The following IVD variants were observed in gnomAD, a reference collection of about 807,000 sequenced individuals.
IVD encodes the protein isovaleryl-CoA dehydrogenase, also known as isovaleryl-CoA dehydrogenase, mitochondrial.
Under a neutral mutation model 51.3 loss-of-function variants are expected in IVD, and 31 were observed. That is an observed-to-expected ratio of 0.60 (90% CI 0.45 to 0.81). The LOEUF (loss-of-function observed/expected upper bound fraction) is 0.81. Ranked by LOEUF, IVD falls within the 40% of genes least tolerant of loss-of-function variation. The pLI is 0.00. For missense variants in IVD, 475 were observed against 552.0 expected (o/e 0.86, Z 1.40); for synonymous variants, 205 against 219.4 (o/e 0.93, Z 0.58).
Position 40,418,828 on chromosome 15 carries a change from G to GA in IVD, c.*572dup, listed in dbSNP as rs1308206796. On this transcript the variant is annotated 3_prime_UTR_variant, in exon 12 of 12. Transcript: ENST00000487418. Reference sequence around the variant, plus strand: ...TCAACTTTCAGTCTCTTTTCTGGGGGAAAAAAATAATAAACCTAGCCTAGC... The same window carrying GA: ...TCAACTTTCAGTCTCTTTTCTGGGGGAAAAAAAATAATAAACCTAGCCTAGC... 13 of 1,001,046 alleles carry GA rather than the reference G, an allele frequency of 1.3e-5. No homozygotes were observed. Among genetic ancestry groups the GA allele is most frequent in the African/African-American group, 3.4e-5 (2 of 58,634 alleles). The allele number at this position is 1,001,046 out of a possible 1,614,324, so 62.0% of individuals were successfully genotyped here.
chr15:40,425,966 A>T (rs367600103), downstream of IVD, among the ~76,000 whole-genome samples: 15,859 of 140,520 alleles, frequency 0.11, 972 homozygotes, highest in Non-Finnish European at 0.13. Context: ...CAGTCCGGCT[A>T]TTTTTTTTTT....
Position 40,411,680 on chromosome 15 carries a change from A to T in IVD, c.676A>T (p.Ile226Phe), listed in dbSNP as rs1239909481. 1 of 1,614,192 alleles carries T rather than the reference A, an allele frequency of 6.2e-7. No homozygotes were observed. Residue 226 changes from isoleucine (I) to phenylalanine (F), a missense_variant, in exon 6 of 12, where the codon ATT (isoleucine) becomes TTT (phenylalanine). Coordinates refer to ENST00000487418, the MANE Select transcript of IVD (RefSeq NM_002225.5). Reference sequence around the variant, plus strand: ...AGCTTCTCGGGGCATCACAGCCTTCATTGTGGAGAAGGTGAGTATAGGTGG... The same window carrying T: ...AGCTTCTCGGGGCATCACAGCCTTCTTTGTGGAGAAGGTGAGTATAGGTGG... ...VPASRGITAF[I>F]VEKGMPGFST...
At position 40,411,356 on chromosome 15, in the gene IVD, G is replaced by A. The variant is rs369030793; in HGVS notation, c.550+3G>A. On this transcript the variant is annotated splice_donor_region_variant and intron_variant, in intron 5 of 11. Coordinates refer to ENST00000487418, the MANE Select transcript of IVD (RefSeq NM_002225.5). ...GAAGCTCAAAGCGGAAAAGAAAGGT[G>A]AGGCCACTCTCAACTTGGGAGCCAA... 4 of 1,614,124 alleles carry A rather than the reference G, an allele frequency of 2.5e-6. No individual in the cohort carries two copies. Among genetic ancestry groups the A allele is most frequent in the Non-Finnish European group, 3.4e-6 (4 of 1,179,992 alleles).
chr15:40,409,170 G>A (rs1364253863), intron 3 of IVD, among the ~76,000 whole-genome samples: 1 of 152,204 alleles, frequency 6.6e-6, no homozygotes, highest in African/African-American at 2.4e-5. Flanking sequence ...GGGGGTTTAT[G>A]TACCCCACTC....
At chr15:40,428,841 A>C (rs1327939395), downstream of IVD, among the ~76,000 whole-genome samples, 2 of 152,166 alleles carry the variant, frequency 1.3e-5, no homozygotes, top group Admixed American at 1.3e-4. Flanking sequence ...GGCCTCCCCA[A>C]AGAAGGATCG....
chr15:40,427,761 G>A (rs1014233466), downstream of IVD, among the ~76,000 whole-genome samples: 3 of 152,106 alleles, frequency 2.0e-5, no homozygotes, highest in African/African-American at 7.2e-5. Context: ...TGAGAAAAGG[G>A]TAGTGAAGGA....
intron 6 of IVD, 100 bp downstream of exon 6, chr15:40,411,791 C>T (rs114588179): frequency 1.4e-6 from 2 of 1,401,826 alleles, no homozygotes; most frequent in Non-Finnish European, 1.0e-6. Context: ...GTGTTGTGTG[C>T]TCTGCAAGGC....
rs142814887 is a variant in IVD, at chr15:40,406,559, C to T, written c.144+588C>T. Among the ~76,000 whole-genome samples the T allele has an allele frequency of 1.8e-3, 274 of 152,154 alleles. 2 individuals carry two copies. Among genetic ancestry groups the T allele is most frequent in the African/African-American group, 6.2e-3 (259 of 41,492 alleles). On this transcript the variant is annotated intron_variant, in intron 1 of 11. Coordinates refer to ENST00000487418, the MANE Select transcript of IVD (RefSeq NM_002225.5). The stretch of plus-strand genomic sequence containing the variant: ...CTGTAATCCTAGCACTTTGGGAGGC[C>T]GAGGTGGGAGGATTGTTTGAGCTCA...
rs1232765641 is a variant in IVD at position 40,414,985 on chromosome 15, A to G, written c.878+3A>G. On this transcript the variant is annotated splice_donor_region_variant and intron_variant, in intron 8 of 11. Transcript: ENST00000487418. Reference sequence around the variant, plus strand: ...GTGCTGGCCGGGGGGCCTCTTGGGTAAGTGTGAGAGGCTTGAGGGAAGCTG... The same window carrying G: ...GTGCTGGCCGGGGGGCCTCTTGGGTGAGTGTGAGAGGCTTGAGGGAAGCTG... The G allele has an allele frequency of 1.2e-6, 2 of 1,613,448 alleles. No homozygotes were observed. The highest frequency in any genetic ancestry group is 1.7e-6 in the Non-Finnish European group (2 of 1,179,812).
chr15:40,408,536 G>A (rs1311721749), intron 3 of IVD, among the ~76,000 whole-genome samples: 1 of 152,142 alleles, frequency 6.6e-6, no homozygotes, highest in Non-Finnish European at 1.5e-5. Context: ...TTCCAGGTGA[G>A]GTGGCCAGAT....
chr15:40,415,785 T>G (rs1025236211), intron 9 of IVD, among the ~76,000 whole-genome samples: 1 of 152,238 alleles, frequency 6.6e-6, no homozygotes, highest in African/African-American at 2.4e-5. Flanking sequence ...TTAGACCTTC[T>G]GGTCCGAAGA....
intron 11 of IVD, 69 bp from the exon 12 acceptor site, chr15:40,418,061 T>C: frequency 1.9e-6 from 3 of 1,604,972 alleles, no homozygotes; most frequent in African/African-American, 2.7e-5. Context: ...TCTATATACT[T>C]GGCATTCTGT....
Position 40,416,118 on chromosome 15 carries a change from T to C in IVD, c.1001T>C (p.Met334Thr), listed in dbSNP as rs368041528. 6.2e-5 allele frequency: 100 copies of C among 1,614,256 alleles called. No homozygotes were observed. The highest frequency in any genetic ancestry group is 1.6e-4 in the East Asian group (7 of 44,892). ...ATGGCTGACATGTACACCCGCCTCA[T>C]GGCGTGTCGGCAGTATGTCTACAAT... The part of the protein sequence containing the change: ...GKMADMYTRL[M>T]ACRQYVYNVA... Residue 334 changes from methionine to threonine, a missense_variant, in exon 10 of 12, where the codon ATG (methionine) becomes ACG (threonine). Coordinates refer to ENST00000487418, the MANE Select transcript of IVD (RefSeq NM_002225.5).
At chr15:40,415,212 C>A in intron 8 of IVD, 189 bp from the exon 9 acceptor site, 1 of 733,120 alleles carries the variant, frequency 1.4e-6, no homozygotes. Context: ...GTGGCTTACT[C>A]GGCTGTGAAA....
chr15:40,418,458 C>G lies in IVD; in HGVS notation c.*195C>G. On this transcript the variant is annotated 3_prime_UTR_variant, in exon 12 of 12. Transcript: ENST00000487418. ...GGGCCTCGCAGCCGGGCCTGTGCCACGGCTAGTGTTGTGTGATTTAAAATG... is the reference window on the plus strand; with the variant it reads ...GGGCCTCGCAGCCGGGCCTGTGCCAGGGCTAGTGTTGTGTGATTTAAAATG... 1.4e-6 allele frequency: 2 copies of G among 1,455,796 alleles called. No homozygotes were observed. The highest frequency in any genetic ancestry group is 1.8e-6 in the Non-Finnish European group (2 of 1,105,428). The allele number at this position is 1,455,796 out of a possible 1,614,324, so 90.2% of individuals were successfully genotyped here.
chr15:40,413,369 T>C (rs952974781), intron 7 of IVD, among the ~76,000 whole-genome samples: 3 of 152,244 alleles, frequency 2.0e-5, no homozygotes, highest in African/African-American at 7.2e-5. Context: ...TGTCCTTCAG[T>C]CTTCCTGTAC....
chr15:40,406,053 C>A lies in IVD; in HGVS notation c.144+82C>A. On this transcript the variant is annotated intron_variant, in intron 1 of 11. Transcript: ENST00000487418. Reference sequence around the variant, plus strand: ...GGCCTCCTTCCTGCCTGGTCCCCATCGGCCCAGCGCCCACCCAGCCTTGGC... The same window carrying A: ...GGCCTCCTTCCTGCCTGGTCCCCATAGGCCCAGCGCCCACCCAGCCTTGGC... 6.1e-6 allele frequency: 9 copies of A among 1,478,350 alleles called. No individual in the cohort carries two copies. In the Admixed American group the frequency reaches 8.7e-5, roughly 14 times the overall value. 91.6% of individuals were successfully genotyped at this position (1,478,350 alleles called of 1,614,324 possible).
At chr15:40,413,893 C>T (rs930449398) in intron 7 of IVD, among the ~76,000 whole-genome samples, 6 of 151,968 alleles carry the variant, frequency 3.9e-5, no homozygotes. Context: ...GAGTGTCGCT[C>T]TTGTTGCCCA....
In IVD at chr15:40,435,526, GC is replaced by G; in HGVS notation, c.892del (p.Pro298LeufsTer?). The G allele has an allele frequency of 8.1e-7, 1 of 1,236,524 alleles. No homozygotes were observed. The allele number at this position is 1,236,524 out of a possible 1,614,324, so 76.6% of individuals were successfully genotyped here. A position where few individuals can be genotyped will look rare whatever the true frequency, so the allele number is the denominator to read the frequency against. ...GGGAACTGAGATGCAAGATCCTCCTGCCTGAACTCACACCCCGCGTGCTGCT... is the reference window on the plus strand; with the variant it reads ...GGGAACTGAGATGCAAGATCCTCCTGCTGAACTCACACCCCGCGTGCTGCT... On this transcript the variant is annotated frameshift_variant, in exon 9 of 9. Coordinates refer to the IVD transcript ENST00000473112. LOFTEE classifies it low-confidence loss of function (END_TRUNC).
Sources: gnomAD v4.1 joint callset for allele counts (sites outside exome capture counted in the v4.1 genomes callset) on GRCh38, gnomAD v4.1.1 for gene constraint, MANE v1.5 for transcripts, NCBI Gene and HGNC (gene_info 2026-07-23, HGNC 2026-07-21) for gene names.